MYL12A: variants seen among roughly 807,000 people sequenced by gnomAD.
MYL12A encodes the protein myosin regulatory light chain 12A.
A neutral mutation model predicts 13.3 loss-of-function variants in MYL12A; 11 were observed. The ratio of observed to expected loss-of-function variants is 0.83; its 90% CI spans 0.52 to 1.37. The LOEUF is 1.37. Ranked by LOEUF, MYL12A falls within the 40% of genes most tolerant of loss-of-function variation. The probability of loss-of-function intolerance (pLI) is 0.00; values close to 1 mark genes in which losing one functional copy is unlikely to be tolerated. For synonymous variants in MYL12A, 51 were observed against 69.9 expected (o/e 0.73, Z 1.35); for missense variants, 146 against 212.3 (o/e 0.69, Z 1.94).
At chr18:3,254,346 A>G (rs756413770) in intron 3 of MYL12A, among the ~76,000 whole-genome samples, 1 of 152,226 alleles carries the variant, frequency 6.6e-6, no homozygotes, top group Non-Finnish European at 1.5e-5. Flanking sequence ...AAAAACTTTT[A>G]CCAGAATAAT....
intron 1 of MYL12A, chr18:3,252,450 A>G (rs954010031): frequency 2.9e-5 from 38 of 1,297,572 alleles, no homozygotes; most frequent in East Asian, 2.7e-4. Context: ...ATTCTTTTTA[A>G]TTTTAACTTA....
chr18:3,250,639 G>T (rs1662346), intron 1 of MYL12A, among the ~76,000 whole-genome samples: 22,796 of 152,148 alleles, frequency 0.15, 1,814 homozygotes, highest in East Asian at 0.26. Context: ...ACATTACACT[G>T]CCAGTTTTTG....
intron 2 of MYL12A, 112 bp downstream of exon 2, chr18:3,253,540 T>C: frequency 7.6e-7 from 1 of 1,322,718 alleles, no homozygotes; most frequent in Non-Finnish European, 1.0e-6. Context: ...TCTACTAAGG[T>C]TTGAGTAAAG....
chr18:3,248,956 G>T (rs914709605), intron 1 of MYL12A, among the ~76,000 whole-genome samples: 2 of 152,046 alleles, frequency 1.3e-5, no homozygotes, highest in Non-Finnish European at 2.9e-5. Flanking sequence ...GATTAAATGA[G>T]GCGGTATATT....
chr18:3,253,385 T>C lies in MYL12A; in HGVS notation c.138T>C (p.Gly46=). 1 of 1,613,784 alleles carries C rather than the reference T, an allele frequency of 6.2e-7. No homozygotes were observed. Among genetic ancestry groups the C allele is most frequent in the South Asian group, 1.1e-5 (1 of 91,036 alleles). The change falls in exon 2 of 4, where the codon GGT becomes GGC. Residue 46 remains glycine (G), a synonymous_variant. Coordinates refer to ENST00000217652, the MANE Select transcript of MYL12A (RefSeq NM_006471.4). ...AFNMIDQNRD[G]FIDKEDLHDM... is the part of the protein sequence containing the mutation. ...ACATGATTGATCAGAACAGAGATGG[T>C]TTCATCGACAAGGAAGATTTGCATG...
intron 3 of MYL12A, 104 bp downstream of exon 3, chr18:3,254,154 A>G (rs1444714869): frequency 7.6e-7 from 1 of 1,309,728 alleles, no homozygotes; most frequent in African/African-American, 1.5e-5. Context: ...GGTTTGTACT[A>G]CACCTATTTT....
chr18:3,253,930 G>C lies in MYL12A; in HGVS notation c.223G>C (p.Glu75Gln). 1 of 1,612,572 alleles carries C rather than the reference G, an allele frequency of 6.2e-7. No homozygotes were observed. Among genetic ancestry groups the C allele is most frequent in the Non-Finnish European group, 8.5e-7 (1 of 1,179,648 alleles). Residue 75 changes from glutamate to glutamine, a missense_variant, in exon 3 of 4, where the codon GAG becomes CAG. Transcript: ENST00000217652. ...TGAGTATCTAGATGCCATGATGAATGAGGCTCCAGGCCCCATCAATTTCAC... is the reference window on the plus strand; with the variant it reads ...TGAGTATCTAGATGCCATGATGAATCAGGCTCCAGGCCCCATCAATTTCAC... ...TDEYLDAMMN[E>Q]APGPINFTMF... is the part of the protein sequence containing the mutation.
chr18:3,250,018 T>C (rs539785051), intron 1 of MYL12A: 2 of 151,266 alleles, frequency 1.3e-5, no homozygotes, highest in East Asian at 3.9e-4. Context: ...AATAATTACA[T>C]TGACATGAAA....
chr18:3,251,497 T>C (rs2081485159), intron 1 of MYL12A, among the ~76,000 whole-genome samples: 1 of 152,232 alleles, frequency 6.6e-6, no homozygotes, highest in South Asian at 2.1e-4. Context: ...GCCTAAAATA[T>C]TAAAGCGATA....
At chr18:3,255,576 C>T (rs2081528343) in intron 3 of MYL12A, 170 bp from the exon 4 acceptor site, 1 of 767,318 alleles carries the variant, frequency 1.3e-6, no homozygotes, top group African/African-American at 1.8e-5. Context: ...AGGCATTTTT[C>T]TAGGCACTTC....
chr18:3,254,289 A>G (rs575698121), intron 3 of MYL12A, among the ~76,000 whole-genome samples: 45 of 152,258 alleles, frequency 3.0e-4, no homozygotes, highest in South Asian at 1.9e-3. Flanking sequence ...CTTTCCTACC[A>G]TGTTAACTCC....
chr18:3,255,894 T>C lies in MYL12A; in HGVS notation c.492T>C (p.His164=). The part of the protein sequence containing the change: ...NYIEFTRILK[H]GAKDKDD ...TCGAGTTCACACGCATCCTGAAACA[T>C]GGAGCCAAAGACAAAGATGACTGAA... Residue 164 remains histidine, a synonymous_variant, in exon 4 of 4, where the codon CAT becomes CAC. Coordinates refer to ENST00000217652, the MANE Select transcript of MYL12A (RefSeq NM_006471.4). 1.9e-6 allele frequency: 3 copies of C among 1,613,866 alleles called. No homozygotes were observed. Among genetic ancestry groups the C allele is most frequent in the South Asian group, 1.1e-5 (1 of 90,964 alleles).
chr18:3,249,037 T>C (rs1369726249), intron 1 of MYL12A, among the ~76,000 whole-genome samples: 2 of 152,082 alleles, frequency 1.3e-5, no homozygotes, highest in African/African-American at 4.8e-5. Context: ...AAGATGGTGG[T>C]TTTTTCTTGC....
intron 3 of MYL12A, chr18:3,255,507 G>GA: frequency 2.5e-6 from 1 of 404,826 alleles, no homozygotes; most frequent in Middle Eastern, 6.2e-4. Flanking sequence ...ATCAGAAGCT[G>GA]AATGTGGAGG....
In MYL12A at chr18:3,256,104, A is replaced by G; in HGVS notation, c.*186A>G. ...TTTCTATTAATATCATTTTCAGAAT[A>G]AAAAATAGGATAATTTAACCTACCA... is the stretch of plus-strand genomic sequence containing the variant. On this transcript the variant is annotated 3_prime_UTR_variant, in exon 4 of 4. Transcript: ENST00000217652. 1 of 729,576 alleles carries G rather than the reference A, an allele frequency of 1.4e-6. No homozygotes were observed. The highest frequency in any genetic ancestry group is 2.2e-6 in the Non-Finnish European group (1 of 454,712). 45.2% of individuals were successfully genotyped at this position (729,576 alleles called of 1,614,324 possible). A position where few individuals can be genotyped will look rare whatever the true frequency, so the allele number is the denominator to read the frequency against.
At position 3,256,000 on chromosome 18, in the gene MYL12A, C is replaced by T. The variant is rs1180411378; in HGVS notation, c.*82C>T. The T allele has an allele frequency of 6.6e-7, 1 of 1,505,812 alleles. No homozygotes were observed. Among genetic ancestry groups the T allele is most frequent in the African/African-American group, 1.4e-5 (1 of 70,754 alleles). 93.3% of individuals were successfully genotyped at this position (1,505,812 alleles called of 1,614,324 possible). On this transcript the variant is annotated 3_prime_UTR_variant, in exon 4 of 4. Coordinates refer to ENST00000217652, the MANE Select transcript of MYL12A (RefSeq NM_006471.4). ...TTTCTCTTGCATGCCCTTAGCTTTA[C>T]AGCTTTTGCATTTCCTGTTGTATTT... is the stretch of plus-strand genomic sequence containing the variant.
At chr18:3,247,793 G>C (rs949683517), upstream of MYL12A, 1 of 152,154 alleles carries the variant, frequency 6.6e-6, no homozygotes, top group Non-Finnish European at 1.5e-5. Context: ...GCTTCCTTCC[G>C]GCTTGCTAAG....
intron 1 of MYL12A, chr18:3,252,421 A>C: frequency 7.1e-7 from 1 of 1,399,158 alleles, no homozygotes; most frequent in Non-Finnish European, 9.5e-7. Context: ...TTGCCTTTTT[A>C]TTTTAGGTAT....
At chr18:3,250,912 A>G (rs368163471) in intron 1 of MYL12A, among the ~76,000 whole-genome samples, 1 of 152,208 alleles carries the variant, frequency 6.6e-6, no homozygotes, top group South Asian at 2.1e-4. Flanking sequence ...GACTCATTTC[A>G]TAAGTTGAAC....
Sources: allele counts gnomAD v4.1 joint callset (sites outside exome capture counted in the v4.1 genomes callset), GRCh38; gene constraint gnomAD v4.1.1; transcripts MANE v1.5; gene names NCBI Gene and HGNC (gene_info 2026-07-23, HGNC 2026-07-21).